The following TNRC6B variants were observed in gnomAD, a reference collection of about 807,000 sequenced individuals.
The protein encoded by TNRC6B is trinucleotide repeat containing adaptor 6B.
In TNRC6B, 52 loss-of-function variants were observed where a neutral mutation model predicts 203.6. The ratio of observed to expected loss-of-function variants is 0.26; its 90% CI spans 0.20 to 0.32. The LOEUF (loss-of-function observed/expected upper bound fraction) is 0.32, where lower values mean the gene tolerates loss of function less well. Ranked by LOEUF, TNRC6B falls within the 10% of genes least tolerant of loss-of-function variation. The pLI is 1.00. For missense variants in TNRC6B, 1,923 were observed against 2,286.2 expected (o/e 0.84, Z 3.24); for synonymous variants, 838 against 845.7 (o/e 0.99, Z 0.16).
chr22:40,058,398 A>T (rs1053183100), intron 1 of TNRC6B, among the ~76,000 whole-genome samples: 1 of 107,352 alleles, frequency 9.3e-6, no homozygotes, highest in African/African-American at 9.2e-5. Context: ...TTGTGACTCA[A>T]TGTGCTTTAG....
At chr22:40,255,360 T>C (rs1367455925) in intron 3 of TNRC6B, among the ~76,000 whole-genome samples, 1 of 152,240 alleles carries the variant, frequency 6.6e-6, no homozygotes, top group South Asian at 2.1e-4. Context: ...CGCAGGACGT[T>C]GGCTACCACT....
chr22:40,214,342 G>A (rs987035648), intron 1 of TNRC6B, among the ~76,000 whole-genome samples: 2 of 152,036 alleles, frequency 1.3e-5, no homozygotes, highest in Non-Finnish European at 2.9e-5. Flanking sequence ...CTTGACTGGG[G>A]TGTTGGTTAT....
intron 20 of TNRC6B, 77 bp from the exon 21 acceptor site, chr22:40,315,865 T>C (rs900763577): frequency 4.5e-6 from 5 of 1,109,098 alleles, no homozygotes; most frequent in Non-Finnish European, 6.7e-6. Context: ...GTGAGCTACA[T>C]GAAAATCTTT....
chr22:40,179,364 C>G lies in TNRC6B; in HGVS notation c.5+1224C>G, dbSNP rs1053230902. Among the ~76,000 whole-genome samples the G allele has an allele frequency of 5.3e-5, 8 of 152,270 alleles. No homozygotes were observed. The South Asian group carries it at 8.3e-4, about 16-fold the overall frequency. On this transcript the variant is annotated intron_variant, in intron 1 of 22. Coordinates refer to ENST00000454349, the MANE Select transcript of TNRC6B (RefSeq NM_001162501.2). ...ACCCCTGGGTAAATTACTCCACCCCCCTGAGCACATCCCTGGCTCTGAGAG... is the reference window on the plus strand; with the variant it reads ...ACCCCTGGGTAAATTACTCCACCCCGCTGAGCACATCCCTGGCTCTGAGAG...
intron 1 of TNRC6B, among the ~76,000 whole-genome samples, chr22:40,194,151 A>G (rs1454187455): frequency 1.3e-5 from 2 of 152,230 alleles, no homozygotes; most frequent in Middle Eastern, 6.3e-3. Flanking sequence ...AGGGGCAGGC[A>G]AATGGTCTGA....
chr22:40,270,065 G>C, intron 5 of TNRC6B, 57 bp from the exon 6 acceptor site: 2 of 1,530,236 alleles, frequency 1.3e-6, no homozygotes. Flanking sequence ...CACCCCACTG[G>C]ATATTATGGC....
rs528439857 is a variant in TNRC6B, at chr22:40,140,027, G to C, written c.45+14165G>C. 6.6e-5 allele frequency among the ~76,000 whole-genome samples: 10 copies of C among 152,332 alleles called. No homozygotes were observed. In the South Asian group the frequency reaches 2.1e-3, roughly 32 times the overall value. Reference sequence around the variant, plus strand: ...AGTTTTGTATATAGTATGTGACATAGAGGTCATGGTTCATACATTTCCATG... The same window carrying C: ...AGTTTTGTATATAGTATGTGACATACAGGTCATGGTTCATACATTTCCATG... On this transcript the variant is annotated intron_variant, in intron 3 of 23. Coordinates refer to the TNRC6B transcript ENST00000301923.
chr22:40,328,131 C>T lies in TNRC6B; in HGVS notation c.*4890C>T, dbSNP rs1167024122. 1 of 152,208 alleles carries T rather than the reference C, an allele frequency of 6.6e-6. No homozygotes were observed. Among genetic ancestry groups the T allele is most frequent in the Non-Finnish European group, 1.5e-5 (1 of 68,040 alleles). The allele number at this position is 152,208 out of a possible 1,614,324, so 9.4% of individuals were successfully genotyped here. On this transcript the variant is annotated 3_prime_UTR_variant, in exon 23 of 23. Transcript: ENST00000454349. The stretch of plus-strand genomic sequence containing the variant: ...ACATCTCTGATCCCTCAGTCCCCAA[C>T]CCTGGACGTGTTTCATTTACAACAT...
At chr22:40,312,402 A>G (rs914133342) in intron 17 of TNRC6B, 103 bp from the exon 18 acceptor site, 17 of 1,134,210 alleles carry the variant, frequency 1.5e-5, no homozygotes, top group African/African-American at 1.1e-4. Flanking sequence ...CAATAAATTC[A>G]GTATTTATAC....
intron 11 of TNRC6B, 107 bp from the exon 12 acceptor site, chr22:40,285,538 C>T (rs1010993858): frequency 1.2e-5 from 16 of 1,348,286 alleles, no homozygotes; most frequent in African/African-American, 8.8e-5. Context: ...GTTATTCCAT[C>T]GAACACAGCC....
intron 2 of TNRC6B, among the ~76,000 whole-genome samples, chr22:40,120,266 G>A (rs1363019378): frequency 6.6e-6 from 1 of 151,612 alleles, no homozygotes; most frequent in Non-Finnish European, 1.5e-5. Context: ...GCCCAGTGAG[G>A]CTGAGGCTAC....
chr22:40,075,311 G>A (rs1262315316), intron 1 of TNRC6B, among the ~76,000 whole-genome samples: 3 of 150,976 alleles, frequency 2.0e-5, no homozygotes, highest in Non-Finnish European at 4.4e-5. Flanking sequence ...TTGAGCCTCT[G>A]TAACTATGTG....
chr22:40,290,126 T>C (rs2070850077), intron 12 of TNRC6B, among the ~76,000 whole-genome samples: 1 of 152,326 alleles, frequency 6.6e-6, no homozygotes, highest in South Asian at 2.1e-4. Context: ...GTCTCACGTC[T>C]GAGTCAGACT....
At chr22:40,171,226 A>G (rs982046871) in intron 4 of TNRC6B, among the ~76,000 whole-genome samples, 4 of 147,956 alleles carry the variant, frequency 2.7e-5, no homozygotes, top group African/African-American at 1.0e-4. Flanking sequence ...CAGTGGCGCA[A>G]TCTCGGCTCA....
intron 12 of TNRC6B, among the ~76,000 whole-genome samples, chr22:40,293,375 G>A (rs5750930): frequency 0.32 from 48,755 of 151,392 alleles, 9,698 homozygotes; most frequent in East Asian, 0.56. Context: ...TGTATTTTTA[G>A]TAGAGACAGG....
chr22:40,127,247 C>T (rs180901977), intron 3 of TNRC6B, among the ~76,000 whole-genome samples: 3 of 152,246 alleles, frequency 2.0e-5, no homozygotes, highest in African/African-American at 7.2e-5. Context: ...TTTCTGAATG[C>T]CCCCTCTGCG....
chr22:40,248,239 G>A (rs894466476), intron 2 of TNRC6B, among the ~76,000 whole-genome samples: 2 of 152,176 alleles, frequency 1.3e-5, no homozygotes, highest in Non-Finnish European at 2.9e-5. Context: ...TCTTGTCGCC[G>A]TGCCTCGCAC....
At chr22:40,125,081 T>C (rs7292973) in intron 2 of TNRC6B, among the ~76,000 whole-genome samples, 4,297 of 152,288 alleles carry the variant, frequency 0.028, 195 homozygotes, top group African/African-American at 0.098. Flanking sequence ...CATAAATTTT[T>C]AGTAGTTTCC....
chr22:40,074,139 C>T (rs1445689842), intron 1 of TNRC6B, among the ~76,000 whole-genome samples: 6 of 145,624 alleles, frequency 4.1e-5, no homozygotes, highest in East Asian at 2.0e-4. Context: ...GGCTGAGGCA[C>T]GAGAATTGCT....
Sources: allele counts gnomAD v4.1 joint callset (sites outside exome capture counted in the v4.1 genomes callset), GRCh38; gene constraint gnomAD v4.1.1; transcripts MANE v1.5; gene names NCBI Gene and HGNC (gene_info 2026-07-23, HGNC 2026-07-21).